Variants in NLN observed in about 807,000 individuals in gnomAD.
NLN encodes the protein neurolysin.
NLN carries 64 observed loss-of-function variants against 79.9 expected under a neutral mutation model. That is an observed-to-expected ratio of 0.80 (90% CI 0.65 to 0.99). NLN has a LOEUF of 0.99. Among genes scored for constraint, NLN ranks in the 50% least tolerant of loss-of-function variants. The pLI, the probability that NLN is intolerant of heterozygous loss-of-function variation, is 0.00. For missense variants in NLN, 835 were observed against 858.7 expected (o/e 0.97, Z 0.34); for synonymous variants, 267 against 296.6 (o/e 0.90, Z 1.02).
intron 1 of NLN, among the ~76,000 whole-genome samples, chr5:65,730,298 A>G (rs1758577689): frequency 6.6e-6 from 1 of 152,216 alleles, no homozygotes; most frequent in Non-Finnish European, 1.5e-5. Flanking sequence ...AAGGCTACCA[A>G]GAAAGTGATA....
At chr5:65,752,223 G>C (rs1240860252) in intron 1 of NLN, among the ~76,000 whole-genome samples, 10 of 140,236 alleles carry the variant, frequency 7.1e-5, no homozygotes, top group Admixed American at 5.7e-4. Flanking sequence ...GGCTGAGAGA[G>C]TGAGACCCTG....
intron 9 of NLN, among the ~76,000 whole-genome samples, chr5:65,804,992 A>G (rs539978979): frequency 6.6e-6 from 1 of 152,312 alleles, no homozygotes; most frequent in East Asian, 1.9e-4. Flanking sequence ...ACATTTTTGT[A>G]ATTCTCACAG....
chr5:65,729,432 T>C (rs1409887885), intron 1 of NLN, among the ~76,000 whole-genome samples: 2 of 145,936 alleles, frequency 1.4e-5, no homozygotes, highest in African/African-American at 5.1e-5. Context: ...TGGAGTGCAG[T>C]GGCACGATCT....
intron 8 of NLN, 138 bp from the exon 9 acceptor site, chr5:65,792,316 C>A: frequency 1.7e-6 from 1 of 597,224 alleles, no homozygotes; most frequent in Non-Finnish European, 3.0e-6. Flanking sequence ...AGCAAAATAA[C>A]CTACTTTCTA....
rs893124802 is a variant in NLN, at chr5:65,823,219, T to C, written c.*304T>C. ...CTATTATAATCTAGATAATATGATATAAGAGGGCTAAGAATTTTTAAATTG... is the reference window on the plus strand; with the variant it reads ...CTATTATAATCTAGATAATATGATACAAGAGGGCTAAGAATTTTTAAATTG... On this transcript the variant is annotated 3_prime_UTR_variant, in exon 13 of 13. Transcript: ENST00000380985. 2 of 222,970 alleles carry C rather than the reference T, an allele frequency of 9.0e-6. No homozygotes were observed. The highest frequency in any genetic ancestry group is 1.8e-5 in the Non-Finnish European group (2 of 112,886). The allele number at this position is 222,970 out of a possible 1,614,324, so 13.8% of individuals were successfully genotyped here.
intron 3 of NLN, among the ~76,000 whole-genome samples, chr5:65,768,639 G>T (rs756010700): frequency 1.3e-5 from 2 of 152,234 alleles, no homozygotes; most frequent in African/African-American, 4.8e-5. Context: ...AGTTGTAGAG[G>T]CTGCAAGTCC....
At chr5:65,784,360 C>T (rs560247131) in intron 6 of NLN, among the ~76,000 whole-genome samples, 17 of 152,100 alleles carry the variant, frequency 1.1e-4, no homozygotes, top group African/African-American at 4.1e-4. Context: ...ATCCCTGAAA[C>T]ATTTTTAAAA....
At chr5:65,732,542 T>C (rs1284044513) in intron 1 of NLN, among the ~76,000 whole-genome samples, 1 of 142,188 alleles carries the variant, frequency 7.0e-6, no homozygotes, top group Non-Finnish European at 1.6e-5. Context: ...AAGGTTCTTT[T>C]GAACCCCAGG....
chr5:65,731,742 C>CTTTTTTT lies in NLN; in HGVS notation c.41+9348_41+9354dup, dbSNP rs761722243. 2.6e-4 allele frequency among the ~76,000 whole-genome samples: 16 copies of CTTTTTTT among 62,010 alleles called. 4 individuals are homozygous for CTTTTTTT. Among genetic ancestry groups the CTTTTTTT allele is most frequent in the Non-Finnish European group, 3.9e-4 (12 of 31,094 alleles). 40.7% of individuals were successfully genotyped at this position (62,010 alleles called of 152,430 possible). ...GTATTTTAAAAATCACCTACATTTT[C>CTTTTTTT]TTTTTTTTTTTTTTTTTTTTTTTTT... On this transcript the variant is annotated intron_variant, in intron 1 of 12. Transcript: ENST00000380985.
At position 65,722,315 on chromosome 5, in the gene NLN, C is replaced by T. The variant is rs79357789; in HGVS notation, c.-59C>T. The T allele has an allele frequency of 1.1e-3, 1,525 of 1,444,122 alleles. 28 individuals are homozygous for T. The East Asian group carries it at 0.038, about 36-fold the overall frequency. The allele number at this position is 1,444,122 out of a possible 1,614,324, so 89.5% of individuals were successfully genotyped here. ...CCGGGCGCCCAGGCGCTGCCGCCCG[C>T]CTCGCCGCCCCACGCCGAAGGACCA... is the stretch of plus-strand genomic sequence containing the variant. On this transcript the variant is annotated 5_prime_UTR_variant, in exon 1 of 13. Coordinates refer to ENST00000380985, the MANE Select transcript of NLN (RefSeq NM_020726.5).
chr5:65,777,312 C>A (rs1266205444), intron 3 of NLN, 115 bp from the exon 4 acceptor site: 7 of 742,034 alleles, frequency 9.4e-6, no homozygotes, highest in Non-Finnish European at 1.7e-5. Context: ...CTCGTAATCA[C>A]CTATGTGCTT....
chr5:65,770,328 A>C lies in NLN; in HGVS notation c.451-7099A>C, dbSNP rs945379590. Among the ~76,000 whole-genome samples the C allele has an allele frequency of 3.5e-4, 54 of 152,260 alleles. 1 individual carries two copies. The highest frequency in any genetic ancestry group is 5.2e-4 in the Admixed American group (8 of 15,280). ...GATATATAAAGAACTACTACAATCA[A>C]TAACAAAGAAACATCCCAGTAGAAA... On this transcript the variant is annotated intron_variant, in intron 3 of 12. Transcript: ENST00000380985.
intron 9 of NLN, 44 bp from the exon 10 acceptor site, chr5:65,809,471 T>C (rs1338838003): frequency 2.6e-6 from 4 of 1,512,208 alleles, no homozygotes; most frequent in African/African-American, 1.4e-5. Context: ...GCATATGTAC[T>C]TTCATTGAGT....
At chr5:65,722,626 T>A in intron 1 of NLN, 1 of 533,026 alleles carries the variant, frequency 1.9e-6, no homozygotes, top group Admixed American at 3.8e-5. Context: ...CGGGAGGACG[T>A]CCATTCCTCT....
At chr5:65,807,555 C>T (rs901519234) in intron 9 of NLN, among the ~76,000 whole-genome samples, 20 of 152,054 alleles carry the variant, frequency 1.3e-4, no homozygotes, top group African/African-American at 4.8e-4. Flanking sequence ...ATTCTCCTGC[C>T]TCAGCCTCCT....
At chr5:65,790,521 A>G (rs763234481) in intron 8 of NLN, among the ~76,000 whole-genome samples, 3 of 152,214 alleles carry the variant, frequency 2.0e-5, no homozygotes, top group Non-Finnish European at 4.4e-5. Flanking sequence ...CCAAGCCAAC[A>G]GGGGAAAGCC....
intron 12 of NLN, among the ~76,000 whole-genome samples, chr5:65,819,786 C>T (rs747771590): frequency 1.1e-4 from 17 of 152,090 alleles, no homozygotes; most frequent in Non-Finnish European, 2.1e-4. Flanking sequence ...TCCCAGACCA[C>T]GTTCTCTCAC....
rs1197695814 is a variant in NLN at position 65,828,458 on chromosome 5, A to C, written c.*5543A>C. ...AAATAAAAAAGAATTAGGGAAGTTC[A>C]GTCTGGAGATAATTCAGAAATACAG... On this transcript the variant is annotated 3_prime_UTR_variant, in exon 13 of 13. Transcript: ENST00000380985. 6.6e-6 allele frequency: 1 copy of C among 152,252 alleles called. No homozygotes were observed. Among genetic ancestry groups the C allele is most frequent in the African/African-American group, 2.4e-5 (1 of 41,468 alleles). 9.4% of individuals were successfully genotyped at this position (152,252 alleles called of 1,614,324 possible).
rs1463581672 is a variant in NLN at position 65,810,143 on chromosome 5, ATT to A, written c.1822_1823del (p.Leu608ArgfsTer32). On this transcript the variant is annotated frameshift_variant, in exon 11 of 13. Transcript: ENST00000380985. LOFTEE classifies it high-confidence loss of function. Reference sequence around the variant, plus strand: ...AATATGCCAAATACTGCTCAGAAATATTAGGAGTTGCAGCTACTCCAGGTATG... The same window carrying A: ...AATATGCCAAATACTGCTCAGAAATAAGGAGTTGCAGCTACTCCAGGTATG... ...SEYAKYCSEI[L>X]GVAATPGTNM... The A allele has an allele frequency of 6.2e-7, 1 of 1,614,030 alleles. No homozygotes were observed. Among genetic ancestry groups the A allele is most frequent in the Non-Finnish European group, 8.5e-7 (1 of 1,179,856 alleles).
Sources: gnomAD v4.1 joint callset for allele counts (sites outside exome capture counted in the v4.1 genomes callset) on GRCh38, gnomAD v4.1.1 for gene constraint, MANE v1.5 for transcripts, NCBI Gene and HGNC (gene_info 2026-07-23, HGNC 2026-07-21) for gene names.